COL19A1: variants seen among roughly 807,000 people sequenced by gnomAD.
The protein encoded by COL19A1 is collagen alpha-1(XIX) chain.
COL19A1 carries 159 observed loss-of-function variants against 190.2 expected under a neutral mutation model. The observed-to-expected ratio is 0.84, with a 90% confidence interval of 0.73 to 0.95. The LOEUF is 0.95. Among genes scored for constraint, COL19A1 ranks in the 40% least tolerant of loss-of-function variants. The pLI is 0.00. For synonymous variants in COL19A1, 509 were observed against 458.9 expected, an observed-to-expected ratio of 1.11 and a Z score of -1.39; for missense variants, 1,418 against 1,431.9, an observed-to-expected ratio of 0.99 and a Z score of 0.16.
intron 4 of COL19A1, among the ~76,000 whole-genome samples, chr6:69,921,448 A>C: frequency 2.5e-5 from 1 of 39,770 alleles, no homozygotes; most frequent in East Asian, 8.7e-4. Context: ...TATATATCAT[A>C]TATCATATAT....
Position 70,156,197 on chromosome 6 carries a change from G to T in COL19A1, c.2150G>T (p.Gly717Val). Residue 717 changes from glycine (G) to valine (V), a missense_variant, in exon 32 of 51, where the codon GGT (glycine) becomes GTT (valine). By Grantham distance (109) the Gly-to-Val change is moderately radical. Coordinates refer to ENST00000620364, the MANE Select transcript of COL19A1 (RefSeq NM_001858.6). ...AACAAAGGAGAAGAAGGAGGTGCTG[G>T]TGAGCCTGGAAAGTATGATTCCATG... ...KSNKGEEGGAGEPGKYDSMAR... is the reference protein window; with the variant it reads ...KSNKGEEGGAVEPGKYDSMAR... 1 of 1,613,376 alleles carries T rather than the reference G, an allele frequency of 6.2e-7. No individual in the cohort carries two copies. The highest frequency in any genetic ancestry group is 2.2e-5 in the East Asian group (1 of 44,810).
chr6:69,907,276 C>T (rs1324557446), intron 4 of COL19A1, among the ~76,000 whole-genome samples: 2 of 151,868 alleles, frequency 1.3e-5, no homozygotes, highest in South Asian at 2.1e-4. Flanking sequence ...ATTACAGGTG[C>T]GTGCCACCAC....
chr6:70,134,403 A>G (rs1785710006), intron 18 of COL19A1, among the ~76,000 whole-genome samples: 2 of 152,226 alleles, frequency 1.3e-5, no homozygotes, highest in African/African-American at 4.8e-5. Context: ...CTTCCTCTGA[A>G]TTAGGAAAAA....
intron 40 of COL19A1, among the ~76,000 whole-genome samples, chr6:70,169,473 A>C (rs995498712): frequency 1.3e-5 from 2 of 152,240 alleles, no homozygotes; most frequent in African/African-American, 4.8e-5. Flanking sequence ...CCTTTTCATT[A>C]TAGTACAGTT....
intron 14 of COL19A1, among the ~76,000 whole-genome samples, chr6:70,057,855 C>A (rs574019498): frequency 1.3e-5 from 2 of 152,114 alleles, no homozygotes; most frequent in African/African-American, 4.8e-5. Context: ...TGCAGAAGTA[C>A]CAAGAGAAAT....
Position 70,199,727 on chromosome 6 carries a change from G to A in COL19A1, c.3214G>A (p.Gly1072Arg). 1 of 1,607,800 alleles carries A rather than the reference G, an allele frequency of 6.2e-7. No homozygotes were observed. Among genetic ancestry groups the A allele is most frequent in the Non-Finnish European group, 8.5e-7 (1 of 1,176,852 alleles). Residue 1072 changes from glycine (G) to arginine (R), a missense_variant, in exon 49 of 51, where the codon GGA (glycine) becomes AGA (arginine). Coordinates refer to ENST00000620364, the MANE Select transcript of COL19A1 (RefSeq NM_001858.6). The stretch of plus-strand genomic sequence containing the variant: ...GTTGCCTGGGCCACCAGGAGACCCT[G>A]GACCCCAAGGTAAGTCTTCAAGTGT... ...DGLPGPPGDP[G>R]PQGYRGQKGE... is the part of the protein sequence containing the mutation.
At chr6:70,000,521 C>T (rs1777197461) in intron 11 of COL19A1, among the ~76,000 whole-genome samples, 2 of 152,184 alleles carry the variant, frequency 1.3e-5, no homozygotes, top group South Asian at 4.1e-4. Flanking sequence ...CACAGCCTCA[C>T]CAGCATCTGA....
In COL19A1 at chr6:70,156,189, A is replaced by C. The variant is rs772982048; in HGVS notation, c.2142A>C (p.Gly714=). 9.9e-6 allele frequency: 16 copies of C among 1,613,232 alleles called. No individual in the cohort carries two copies. The highest frequency in any genetic ancestry group is 1.2e-5 in the Non-Finnish European group (14 of 1,179,592). The stretch of plus-strand genomic sequence containing the variant: ...TGAAAAGCAACAAAGGAGAAGAAGG[A>C]GGTGCTGGTGAGCCTGGAAAGTATG... The part of the protein sequence containing the change: ...PGLKSNKGEE[G]GAGEPGKYDS... The change falls in exon 32 of 51, where the codon GGA becomes GGC. Residue 714 remains glycine, a synonymous_variant. Coordinates refer to ENST00000620364, the MANE Select transcript of COL19A1 (RefSeq NM_001858.6).
chr6:70,005,370 G>A (rs1307135166), intron 11 of COL19A1, among the ~76,000 whole-genome samples: 1 of 151,994 alleles, frequency 6.6e-6, no homozygotes, highest in Non-Finnish European at 1.5e-5. Context: ...TGTTGTTGTT[G>A]CTTTCTGTTT....
At chr6:70,168,150 T>C (rs776512739) in intron 38 of COL19A1, 21 bp from the exon 39 acceptor site, 15 of 1,612,346 alleles carry the variant, frequency 9.3e-6, no homozygotes, top group Admixed American at 1.7e-5. Flanking sequence ...CTTTTTCTTT[T>C]CTTTTCATTT....
chr6:69,922,992 T>G (rs1370773094), intron 4 of COL19A1, among the ~76,000 whole-genome samples: 15 of 152,296 alleles, frequency 9.8e-5, no homozygotes, highest in African/African-American at 3.6e-4. Context: ...GGTGACTGCA[T>G]GACTATCATC....
chr6:69,915,871 A>G (rs1324339460), intron 4 of COL19A1, among the ~76,000 whole-genome samples: 1 of 151,218 alleles, frequency 6.6e-6, no homozygotes, highest in Non-Finnish European at 1.5e-5. Context: ...TTACCTAGTT[A>G]CTAGTATACA....
At chr6:69,902,002 T>C (rs1455463848) in intron 4 of COL19A1, among the ~76,000 whole-genome samples, 3 of 152,246 alleles carry the variant, frequency 2.0e-5, no homozygotes, top group Non-Finnish European at 4.4e-5. Context: ...TTCTGAATTT[T>C]GGGTTCTAAA....
chr6:70,134,371 G>GA (rs1256934555), intron 18 of COL19A1, among the ~76,000 whole-genome samples: 3 of 151,976 alleles, frequency 2.0e-5, no homozygotes, highest in Admixed American at 6.6e-5. Context: ...TACTACCATA[G>GA]AAAAAAACAA....
At position 70,142,006 on chromosome 6, in the gene COL19A1, T is replaced by TC. The variant is rs762778491; in HGVS notation, c.1519-11dup. ...AATTAAAGAAACATTGATCTTTCCT[T>TC]CCCCCCACGTGTTTAGGGTGAACCT... On this transcript the variant is annotated splice_polypyrimidine_tract_variant and intron_variant, in intron 21 of 50. Coordinates refer to ENST00000620364, the MANE Select transcript of COL19A1 (RefSeq NM_001858.6). 5 of 1,612,184 alleles carry TC rather than the reference T, an allele frequency of 3.1e-6. No individual in the cohort carries two copies. Among genetic ancestry groups the TC allele is most frequent in the African/African-American group, 1.3e-5 (1 of 74,808 alleles).
chr6:70,051,586 T>C (rs928276793), intron 14 of COL19A1, among the ~76,000 whole-genome samples: 1 of 152,142 alleles, frequency 6.6e-6, no homozygotes, highest in Non-Finnish European at 1.5e-5. Flanking sequence ...ACTTTATCTT[T>C]AACATTCTAA....
At chr6:70,085,730 A>T (rs1436440085) in intron 15 of COL19A1, among the ~76,000 whole-genome samples, 2 of 128,178 alleles carry the variant, frequency 1.6e-5, no homozygotes, top group Admixed American at 1.6e-4. Context: ...CATATATCTA[A>T]CCTCTTGAAA....
chr6:70,114,390 C>T (rs908374463), intron 16 of COL19A1, among the ~76,000 whole-genome samples: 1 of 152,140 alleles, frequency 6.6e-6, no homozygotes, highest in African/African-American at 2.4e-5. Flanking sequence ...TGAAACCTAG[C>T]TCTTGTCTAC....
At chr6:69,932,424 T>C (rs1232255036) in intron 6 of COL19A1, among the ~76,000 whole-genome samples, 1 of 89,766 alleles carries the variant, frequency 1.1e-5, no homozygotes, top group Non-Finnish European at 2.3e-5. Flanking sequence ...TTTTCTCCAA[T>C]TTTTTTTTTA....
Sources: allele counts gnomAD v4.1 joint callset (sites outside exome capture counted in the v4.1 genomes callset), GRCh38; gene constraint gnomAD v4.1.1; transcripts MANE v1.5; gene names NCBI Gene and HGNC (gene_info 2026-07-23, HGNC 2026-07-21).